Variants in PWWP2A observed in about 807,000 individuals in gnomAD.
PWWP2A encodes the protein PWWP domain-containing protein 2A.
PWWP2A carries 18 observed loss-of-function variants against 48.5 expected under a neutral mutation model. The observed-to-expected ratio is 0.37, with a 90% confidence interval of 0.26 to 0.55. PWWP2A has a LOEUF of 0.55. Among genes scored for constraint, PWWP2A ranks in the 20% least tolerant of loss-of-function variants. The pLI, the probability that PWWP2A is intolerant of heterozygous loss-of-function variation, is 0.81. For missense variants in PWWP2A, 867 were observed against 976.4 expected (o/e 0.89, Z 1.49); for synonymous variants, 396 against 387.7 (o/e 1.02, Z -0.25).
downstream of PWWP2A, among the ~76,000 whole-genome samples, chr5:160,089,226 C>T (rs189850375): frequency 2.6e-4 from 40 of 152,240 alleles, no homozygotes; most frequent in East Asian, 5.0e-3. Flanking sequence ...CAGGGTCTCA[C>T]TCTTGCCCAG....
intron 1 of PWWP2A, among the ~76,000 whole-genome samples, chr5:160,111,917 G>A (rs539121557): frequency 6.6e-6 from 1 of 151,938 alleles, no homozygotes; most frequent in South Asian, 2.1e-4. Context: ...CACTTTGAGA[G>A]GCCCAGGCGG....
downstream of PWWP2A, chr5:160,089,708 G>A (rs1460127908): frequency 7.9e-7 from 1 of 1,262,280 alleles, no homozygotes; most frequent in Non-Finnish European, 1.0e-6. Context: ...TCCTTCACTT[G>A]GTTTCTCCCC....
chr5:160,097,667 A>G (rs1561679130), intron 1 of PWWP2A, among the ~76,000 whole-genome samples: 1 of 143,452 alleles, frequency 7.0e-6, no homozygotes, highest in Non-Finnish European at 1.5e-5. Flanking sequence ...CAAATACAAA[A>G]ACAAAAAACA....
chr5:160,050,521 T>C, the PWWP2A span, among the ~76,000 whole-genome samples: 3 of 152,184 alleles, frequency 2.0e-5, no homozygotes, highest in Non-Finnish European at 4.4e-5. Flanking sequence ...ATCTGATATG[T>C]ATCCTTTCAA....
chr5:160,048,355 T>A, the PWWP2A span, among the ~76,000 whole-genome samples: 1 of 152,064 alleles, frequency 6.6e-6, no homozygotes, highest in Non-Finnish European at 1.5e-5. Context: ...TTTCGCCATG[T>A]TGGCTAGGCT....
chr5:160,119,442 G>T lies in PWWP2A; in HGVS notation c.-54C>A. 7.4e-7 allele frequency: 1 copy of T among 1,352,396 alleles called. No homozygotes were observed. Among genetic ancestry groups the T allele is most frequent in the Non-Finnish European group, 9.4e-7 (1 of 1,058,434 alleles). 83.8% of individuals were successfully genotyped at this position (1,352,396 alleles called of 1,614,324 possible). Reference sequence around the variant, plus strand: ...TCCGGCTGCAGCGGCGGCGGCGACAGCGCTGCTTGGTTCCCTGGGCCTTCC... The same window carrying T: ...TCCGGCTGCAGCGGCGGCGGCGACATCGCTGCTTGGTTCCCTGGGCCTTCC... On this transcript the variant is annotated 5_prime_UTR_variant, in exon 1 of 2. It adds an upstream start codon to the 5' untranslated region. Coordinates refer to ENST00000307063, the MANE Select transcript of PWWP2A (RefSeq NM_001130864.2).
intron 1 of PWWP2A, chr5:160,116,955 G>T (rs559639890): frequency 6.3e-6 from 1 of 157,700 alleles, no homozygotes; most frequent in Admixed American, 6.5e-5. Flanking sequence ...AGCCAGGCGT[G>T]GTGGCACATG....
downstream of PWWP2A, among the ~76,000 whole-genome samples, chr5:160,071,887 T>C (rs1189646757): frequency 6.6e-6 from 1 of 152,176 alleles, no homozygotes; most frequent in East Asian, 1.9e-4. Flanking sequence ...CCTTAAAAAA[T>C]ACAGGAGGGA....
At chr5:160,083,165 A>AT in intron 2 of PWWP2A, among the ~76,000 whole-genome samples, 1 of 152,268 alleles carries the variant, frequency 6.6e-6, no homozygotes, top group Non-Finnish European at 1.5e-5. Context: ...CCTTAGTGCT[A>AT]TTTTTCTAAC....
At chr5:160,072,150 C>T (rs950011510), downstream of PWWP2A, among the ~76,000 whole-genome samples, 7 of 152,160 alleles carry the variant, frequency 4.6e-5, no homozygotes, top group Admixed American at 2.0e-4. Context: ...CAATTAAAAG[C>T]TGTACAGGGA....
At chr5:160,053,891 A>C in the PWWP2A span, among the ~76,000 whole-genome samples, 1 of 152,244 alleles carries the variant, frequency 6.6e-6, no homozygotes. Context: ...AGGAATTATT[A>C]GTGGGTAGAA....
At chr5:160,112,190 A>C (rs1757662200) in intron 1 of PWWP2A, among the ~76,000 whole-genome samples, 1 of 151,962 alleles carries the variant, frequency 6.6e-6, no homozygotes, top group Admixed American at 6.6e-5. Context: ...AAAAGAGCAC[A>C]AAGTAAGCTA....
chr5:160,108,208 T>G (rs887496524), intron 1 of PWWP2A, among the ~76,000 whole-genome samples: 1 of 152,104 alleles, frequency 6.6e-6, no homozygotes, highest in African/African-American at 2.4e-5. Flanking sequence ...CCCGGAGGAT[T>G]CTTTAGACTC....
intron 4 of PWWP2A, chr5:160,065,584 T>A: frequency 2.9e-6 from 1 of 343,122 alleles, no homozygotes; most frequent in South Asian, 2.2e-5. Flanking sequence ...TAACGACAAC[T>A]AAGGCAGAAG....
At chr5:160,057,463 A>T (rs1435970779), downstream of PWWP2A, among the ~76,000 whole-genome samples, 1 of 151,958 alleles carries the variant, frequency 6.6e-6, no homozygotes, top group African/African-American at 2.4e-5. This position sits in a 1 kb window ranked among gnomAD's most constrained non-coding sequence, Gnocchi z 4.4. Context: ...AATGCTGACG[A>T]TGAGCCCAGC....
rs1036077005 is a variant in PWWP2A at position 160,092,532 on chromosome 5, A to C, written c.2118T>G (p.Leu706=). Residue 706 remains leucine (L), a synonymous_variant, in exon 2 of 2, where the codon CTT becomes CTG. Transcript: ENST00000307063. ...FGSPTTSFLA[L]SQLSPFLENF... is the part of the protein sequence containing the mutation. ...TTTCTAAAAAGGGGGAGAGTTGTGA[A>C]AGAGCAAGGAAAGATGTTGTTGGAG... 1.3e-6 allele frequency: 2 copies of C among 1,551,690 alleles called. No homozygotes were observed. Among genetic ancestry groups the C allele is most frequent in the Non-Finnish European group, 1.7e-6 (2 of 1,146,992 alleles).
chr5:160,095,020 C>T (rs1052920573), intron 1 of PWWP2A, among the ~76,000 whole-genome samples: 2 of 113,074 alleles, frequency 1.8e-5, no homozygotes, highest in Non-Finnish European at 3.3e-5. Flanking sequence ...TGCACTCCAG[C>T]CTGGGCAACA....
the PWWP2A span, among the ~76,000 whole-genome samples, chr5:160,045,993 G>A: frequency 3.9e-5 from 6 of 152,004 alleles, no homozygotes; most frequent in African/African-American, 1.4e-4. Context: ...TGCCTGCCTC[G>A]TCCTCCCAAA....
At chr5:160,080,751 T>A in exon 3 of PWWP2A, 1 of 1,563,132 alleles carries the variant, frequency 6.4e-7, no homozygotes. Context: ...TCTGATGTAA[T>A]AGCTGCCATT....
Sources: gnomAD v4.1 joint callset for allele counts (sites outside exome capture counted in the v4.1 genomes callset) on GRCh38, gnomAD v4.1.1 for gene constraint, Gnocchi (gnomAD v3.1) non-coding constraint, MANE v1.5 for transcripts, NCBI Gene and HGNC (gene_info 2026-07-23, HGNC 2026-07-21) for gene names.